Variants in TRAF2 observed in about 807,000 individuals in gnomAD.
TRAF2 encodes TNF receptor-associated factor 2.
TRAF2 carries 6 observed loss-of-function variants against 55.6 expected under a neutral mutation model. That is an observed-to-expected ratio of 0.11 (90% confidence interval 0.06 to 0.21). The LOEUF (loss-of-function observed/expected upper bound fraction) is 0.21. Among genes scored for constraint, TRAF2 ranks in the 10% least tolerant of loss-of-function variants. The pLI, the probability that TRAF2 is intolerant of heterozygous loss-of-function variation, is 1.00. For synonymous variants in TRAF2, 329 were observed against 276.3 expected (o/e 1.19, Z -1.89); for missense variants, 561 against 684.5 (o/e 0.82, Z 2.01).
intron 4 of TRAF2, among the ~76,000 whole-genome samples, chr9:136,906,575 C>G (rs935033961): frequency 3.9e-5 from 6 of 152,148 alleles, no homozygotes; most frequent in Admixed American, 6.5e-5. Context: ...ATGGGAGTTG[C>G]AATTCAAGAT....
intron 10 of TRAF2, among the ~76,000 whole-genome samples, chr9:136,925,219 C>T (rs1354513613): frequency 6.6e-6 from 1 of 152,168 alleles, no homozygotes; most frequent in East Asian, 1.9e-4. Flanking sequence ...GGCCCACAGG[C>T]CCTTGTCTGT....
Position 136,895,365 on chromosome 9 carries a change from G to A in TRAF2, c.-28-3348G>A, listed in dbSNP as rs117152361. Reference sequence around the variant, plus strand: ...TTCCGGGACACTCTTTTGGCAACTTGGGCCTTGGAAGGACAGCAGAGCAGG... The same window carrying A: ...TTCCGGGACACTCTTTTGGCAACTTAGGCCTTGGAAGGACAGCAGAGCAGG... On this transcript the variant is annotated intron_variant, in intron 1 of 10. Transcript: ENST00000247668. Among the ~76,000 whole-genome samples, 362 of 152,290 alleles carry A rather than the reference G, an allele frequency of 2.4e-3. 2 individuals carry two copies. The highest frequency in any genetic ancestry group is 9.3e-3 in the East Asian group (48 of 5,188).
chr9:136,907,666 G>A (rs547250049), intron 4 of TRAF2, among the ~76,000 whole-genome samples: 38 of 152,240 alleles, frequency 2.5e-4, no homozygotes, highest in African/African-American at 8.4e-4. Flanking sequence ...AGCCTGGACC[G>A]CGTTGGGCTT....
intron 4 of TRAF2, among the ~76,000 whole-genome samples, chr9:136,905,537 T>G (rs1190197399): frequency 6.6e-6 from 1 of 152,164 alleles, no homozygotes; most frequent in Non-Finnish European, 1.5e-5. Context: ...TTACATAACA[T>G]CAGTGAAATG....
In TRAF2 at chr9:136,906,936, T is replaced by A. The variant is rs1012959687; in HGVS notation, c.367-1134T>A. ...TCCCAACCTTAGAGTCTGTGAGAGG[T>A]GCAGCTGCCAGGCAGTCCTGGAAGG... On this transcript the variant is annotated intron_variant, in intron 4 of 10. Coordinates refer to ENST00000247668, the MANE Select transcript of TRAF2 (RefSeq NM_021138.4). Among the ~76,000 whole-genome samples, 3 of 152,302 alleles carry A rather than the reference T, an allele frequency of 2.0e-5. No individual in the cohort carries two copies. The South Asian group carries it at 6.2e-4, about 32-fold the overall frequency.
Position 136,923,963 on chromosome 9 carries a change from C to T in TRAF2, c.1250C>T (p.Pro417Leu), listed in dbSNP as rs539035155. 3.9e-5 allele frequency: 63 copies of T among 1,613,868 alleles called. No homozygotes were observed. Among genetic ancestry groups the T allele is most frequent in the East Asian group, 3.6e-4 (16 of 44,880 alleles). ...LSLFFVVMKG[P>L]NDALLRWPFN... ...CTCTTCTTTGTGGTGATGAAGGGCCCGAATGACGCCCTGCTGCGGTGGCCC... is the reference window on the plus strand; with the variant it reads ...CTCTTCTTTGTGGTGATGAAGGGCCTGAATGACGCCCTGCTGCGGTGGCCC... The change falls in exon 10 of 11, where the codon CCG (proline) becomes CTG (leucine). Residue 417 changes from proline (P) to leucine (L), a missense_variant. Physicochemically the swap from Pro to Leu is moderately conservative, Grantham distance 98. Transcript: ENST00000247668.
At position 136,908,086 on chromosome 9, in the gene TRAF2, G is replaced by A. The variant is rs756632275; in HGVS notation, c.383G>A (p.Arg128His). The change falls in exon 5 of 11, where the codon CGC (arginine) becomes CAC (histidine). Residue 128 changes from arginine (R) to histidine (H), a missense_variant. Arg to His is a conservative substitution (Grantham distance 29). Coordinates refer to ENST00000247668, the MANE Select transcript of TRAF2 (RefSeq NM_021138.4). Reference sequence around the variant, plus strand: ...CGTTGCTAGAGCTGCCACGAAGGCCGCTGCCCGCTCATGCTGACCGAATGT... The same window carrying A: ...CGTTGCTAGAGCTGCCACGAAGGCCACTGCCCGCTCATGCTGACCGAATGT... The part of the protein sequence containing the change: ...LKEYESCHEG[R>H]CPLMLTECPA... 18 of 1,603,208 alleles carry A rather than the reference G, an allele frequency of 1.1e-5. No individual in the cohort carries two copies. The East Asian group carries it at 1.6e-4, about 14-fold the overall frequency.
At chr9:136,891,478 A>G (rs1375612773) in intron 1 of TRAF2, among the ~76,000 whole-genome samples, 1 of 150,176 alleles carries the variant, frequency 6.7e-6, no homozygotes, top group Non-Finnish European at 1.5e-5. Context: ...TCCTGAGCTC[A>G]AGCAATCTGC....
intron 7 of TRAF2, 166 bp downstream of exon 7, chr9:136,916,781 G>T: frequency 1.5e-6 from 1 of 678,396 alleles, no homozygotes; most frequent in Non-Finnish European, 2.6e-6. Flanking sequence ...TGGTCTCTGG[G>T]CTGGCAGCCC....
At chr9:136,911,998 T>C (rs891656561) in intron 6 of TRAF2, among the ~76,000 whole-genome samples, 2 of 151,380 alleles carry the variant, frequency 1.3e-5, no homozygotes, top group African/African-American at 2.4e-5. Flanking sequence ...TACAGGCGCC[T>C]GCCACCATGC....
chr9:136,921,411 C>G (rs1850381809), intron 9 of TRAF2, among the ~76,000 whole-genome samples, 196 bp downstream of exon 9: 1 of 152,074 alleles, frequency 6.6e-6, no homozygotes, highest in African/African-American at 2.4e-5. Context: ...TGCCCTCGGG[C>G]AGGGGTCGGG....
At chr9:136,906,169 G>A (rs1029383582) in intron 4 of TRAF2, among the ~76,000 whole-genome samples, 5 of 152,134 alleles carry the variant, frequency 3.3e-5, no homozygotes, top group Admixed American at 1.3e-4. Flanking sequence ...GTGGTGGTGC[G>A]TGCCTGTATT....
At chr9:136,924,175 TTTG>T (rs1419374596) in intron 10 of TRAF2, among the ~76,000 whole-genome samples, 175 bp downstream of exon 10, 2 of 152,136 alleles carry the variant, frequency 1.3e-5, no homozygotes, top group Admixed American at 6.5e-5. Flanking sequence ...GCTCTGGCAG[TTTG>T]TTGTTTCCAT....
chr9:136,902,975 TTTTA>T (rs376556528), intron 4 of TRAF2, among the ~76,000 whole-genome samples: 3 of 65,612 alleles, frequency 4.6e-5, no homozygotes, highest in African/African-American at 2.8e-4. Flanking sequence ...ATTTATTTAT[TTTTA>T]TTTTTTTGAG....
chr9:136,919,798 G>A (rs1463794813), intron 7 of TRAF2, among the ~76,000 whole-genome samples: 1 of 149,590 alleles, frequency 6.7e-6, no homozygotes, highest in East Asian at 2.0e-4. Context: ...TCACTGCAGC[G>A]TCAACCTCCT....
chr9:136,899,887 C>A (rs548290425), intron 3 of TRAF2, among the ~76,000 whole-genome samples: 1 of 151,394 alleles, frequency 6.6e-6, no homozygotes, highest in African/African-American at 2.4e-5. Flanking sequence ...TACCAGGGGC[C>A]GGGCTCAGTG....
chr9:136,886,503 T>TGGGC, upstream of TRAF2: 1 of 998,686 alleles, frequency 1.0e-6, no homozygotes, highest in Non-Finnish European at 1.2e-6. Flanking sequence ...GGGCGGTAGC[T>TGGGC]GGGCGGGCCC....
At chr9:136,909,593 C>T (rs1850050811) in intron 5 of TRAF2, among the ~76,000 whole-genome samples, 1 of 152,206 alleles carries the variant, frequency 6.6e-6, no homozygotes, top group African/African-American at 2.4e-5. Flanking sequence ...GCCAGGCCCT[C>T]CCACCGGCCT....
At chr9:136,910,826 G>A (rs974045434) in intron 6 of TRAF2, among the ~76,000 whole-genome samples, 4 of 152,250 alleles carry the variant, frequency 2.6e-5, no homozygotes, top group African/African-American at 9.6e-5. Context: ...GACGGGACAG[G>A]GCTGTCTCCT....
Sources: gnomAD v4.1 joint callset for allele counts (sites outside exome capture counted in the v4.1 genomes callset) on GRCh38, gnomAD v4.1.1 for gene constraint, MANE v1.5 for transcripts, NCBI Gene and HGNC (gene_info 2026-07-23, HGNC 2026-07-21) for gene names.